Variants in RNF144A observed in about 807,000 individuals in gnomAD.
RNF144A encodes the protein E3 ubiquitin-protein ligase RNF144A.
In RNF144A, 11 loss-of-function variants were observed where a neutral mutation model predicts 38.7. The ratio of observed to expected loss-of-function variants is 0.28; its 90% confidence interval spans 0.18 to 0.47. The LOEUF is 0.47. RNF144A is among the 20% of genes least tolerant of loss of function. The probability of loss-of-function intolerance (pLI) is 0.99; values close to 1 mark genes in which losing one functional copy is unlikely to be tolerated. For synonymous variants in RNF144A, 149 were observed against 143.9 expected (o/e 1.04, Z -0.25); for missense variants, 316 against 377.2 (o/e 0.84, Z 1.34).
intron 8 of RNF144A, among the ~76,000 whole-genome samples, chr2:7,034,890 C>T (rs1572453089): frequency 6.6e-6 from 1 of 152,098 alleles, no homozygotes; most frequent in Non-Finnish European, 1.5e-5. Flanking sequence ...AAGTTAGGGG[C>T]AGAGTCGTGA....
chr2:7,064,032 CAG>C (rs1161117179), intron 6 of RNF144A, among the ~76,000 whole-genome samples: 1 of 152,194 alleles, frequency 6.6e-6, no homozygotes, highest in Non-Finnish European at 1.5e-5. Flanking sequence ...GTACATGAGA[CAG>C]AGAGACACCA....
At chr2:6,959,408 G>A (rs1391368691) in intron 2 of RNF144A, among the ~76,000 whole-genome samples, 1 of 150,122 alleles carries the variant, frequency 6.7e-6, no homozygotes, top group Non-Finnish European at 1.5e-5. Context: ...ACAATTGCGT[G>A]TGCACATCCA....
chr2:6,940,389 TTGAA>T (rs939658769), intron 1 of RNF144A, among the ~76,000 whole-genome samples: 60 of 152,340 alleles, frequency 3.9e-4, no homozygotes, highest in African/African-American at 1.4e-3. Flanking sequence ...ATTCCTGCCC[TTGAA>T]TGGAGTGTTT....
chr2:6,929,171 C>T (rs541304226), intron 1 of RNF144A, among the ~76,000 whole-genome samples: 12 of 152,248 alleles, frequency 7.9e-5, no homozygotes, highest in African/African-American at 2.6e-4. Flanking sequence ...TTGATTGAAA[C>T]GCCATGCATA....
intron 2 of RNF144A, among the ~76,000 whole-genome samples, chr2:6,987,936 G>T (rs571548403): frequency 6.6e-6 from 1 of 152,252 alleles, no homozygotes; most frequent in Admixed American, 6.5e-5. Context: ...GGCTCCTTGG[G>T]CCCTTCTGTG....
At chr2:6,953,880 T>C (rs1666836912) in intron 2 of RNF144A, among the ~76,000 whole-genome samples, 1 of 152,234 alleles carries the variant, frequency 6.6e-6, no homozygotes, top group Admixed American at 6.5e-5. Context: ...TTTTTCTCAG[T>C]AAGTATCATT....
chr2:7,058,119 T>A (rs1371855801), intron 6 of RNF144A, among the ~76,000 whole-genome samples: 2 of 152,054 alleles, frequency 1.3e-5, no homozygotes, highest in Admixed American at 1.3e-4. Context: ...AACAGATAAG[T>A]CAATATGATA....
At chr2:6,997,468 C>T (rs973237611) in intron 3 of RNF144A, among the ~76,000 whole-genome samples, 5 of 152,204 alleles carry the variant, frequency 3.3e-5, no homozygotes, top group Non-Finnish European at 7.3e-5. Context: ...TCCTCAGTGT[C>T]ATCTCTCACT....
intron 3 of RNF144A, among the ~76,000 whole-genome samples, chr2:7,000,395 A>G (rs1019175378): frequency 6.6e-6 from 1 of 152,222 alleles, no homozygotes; most frequent in Non-Finnish European, 1.5e-5. Flanking sequence ...GTTACCCACC[A>G]TGAGGGCCAA....
intron 1 of RNF144A, among the ~76,000 whole-genome samples, chr2:6,927,523 G>A (rs1302077264): frequency 1.3e-5 from 2 of 152,330 alleles, no homozygotes; most frequent in East Asian, 3.9e-4. Flanking sequence ...GCTTTCTGGA[G>A]GCAGGCAGGA....
intron 1 of RNF144A, among the ~76,000 whole-genome samples, chr2:6,929,342 C>CA (rs1665071487): frequency 6.6e-6 from 1 of 152,114 alleles, no homozygotes; most frequent in Non-Finnish European, 1.5e-5. Flanking sequence ...AGTTGAGACT[C>CA]AGAGTTTGAC....
chr2:7,074,060 G>T, the RNF144A span, among the ~76,000 whole-genome samples: 1 of 152,190 alleles, frequency 6.6e-6, no homozygotes, highest in Non-Finnish European at 1.5e-5. Context: ...GTTCCAGAGG[G>T]CAGGAGTGAT....
Position 6,958,662 on chromosome 2 carries a change from G to A in RNF144A, c.-12+17515G>A, listed in dbSNP as rs578231332. 6.6e-6 allele frequency among the ~76,000 whole-genome samples: 1 copy of A among 152,298 alleles called. No individual in the cohort carries two copies. Among genetic ancestry groups the A allele is most frequent in the South Asian group, 2.1e-4 (1 of 4,828 alleles). On this transcript the variant is annotated intron_variant, in intron 2 of 8. Coordinates refer to ENST00000320892, the MANE Select transcript of RNF144A (RefSeq NM_014746.6). The surrounding 1 kb of genome is among the most constrained non-coding windows in gnomAD (Gnocchi z 4.5). ...AAGCTGAAGAAGGTTCAGTGTTCAT[G>A]ATTCTGGGGGACTGTCCACGTGACC...
rs1198425282 is a variant in RNF144A at position 6,917,492 on chromosome 2, C to T, written c.-342C>T. On this transcript the variant is annotated 5_prime_UTR_variant, in exon 1 of 9. Coordinates refer to ENST00000320892, the MANE Select transcript of RNF144A (RefSeq NM_014746.6). The surrounding 1 kb of genome is among the most constrained non-coding windows in gnomAD (Gnocchi z 4.8). ...GGCAGGCGGGAGGCGGCAGGGCTGG[C>T]ATTGCAGTGCGGGCCGTGCGGGCTG... The T allele has an allele frequency of 6.8e-6, 1 of 147,474 alleles. No individual in the cohort carries two copies. Among genetic ancestry groups the T allele is most frequent in the Non-Finnish European group, 1.5e-5 (1 of 66,226 alleles). 9.1% of individuals were successfully genotyped at this position (147,474 alleles called of 1,614,324 possible).
chr2:6,960,940 G>A (rs1325348957), intron 2 of RNF144A, among the ~76,000 whole-genome samples: 1 of 152,144 alleles, frequency 6.6e-6, no homozygotes, highest in Non-Finnish European at 1.5e-5. Context: ...TCATTGGTCA[G>A]CATAATGCCA....
intron 5 of RNF144A, 77 bp from the exon 6 acceptor site, chr2:7,020,396 T>G (rs867476203): frequency 2.0e-5 from 26 of 1,307,624 alleles, no homozygotes; most frequent in Middle Eastern, 2.1e-4. Context: ...GTCCGTGCAC[T>G]GAGGGGCTCC....
chr2:7,047,018 T>A (rs937123622), downstream of RNF144A, among the ~76,000 whole-genome samples: 1 of 152,224 alleles, frequency 6.6e-6, no homozygotes, highest in African/African-American at 2.4e-5. Context: ...TCACAACTTT[T>A]ATGAAAAGCC....
intron 1 of RNF144A, among the ~76,000 whole-genome samples, chr2:6,939,588 A>G (rs1486138506): frequency 6.6e-6 from 1 of 152,180 alleles, no homozygotes; most frequent in Non-Finnish European, 1.5e-5. Context: ...ATGAATTACA[A>G]TGTATCTATT....
At chr2:7,054,448 G>T (rs1673648996) in intron 6 of RNF144A, among the ~76,000 whole-genome samples, 1 of 152,126 alleles carries the variant, frequency 6.6e-6, no homozygotes, top group Admixed American at 6.5e-5. Flanking sequence ...ATTATATAGG[G>T]TATGGGACAC....
Sources: gnomAD v4.1 joint callset for allele counts (sites outside exome capture counted in the v4.1 genomes callset) on GRCh38, gnomAD v4.1.1 for gene constraint, Gnocchi (gnomAD v3.1) non-coding constraint, MANE v1.5 for transcripts, NCBI Gene and HGNC (gene_info 2026-07-23, HGNC 2026-07-21) for gene names.